The following SLC44A5 variants were observed in gnomAD, a reference collection of about 807,000 sequenced individuals.
SLC44A5 encodes choline transporter-like protein 5.
A neutral mutation model predicts 101.8 loss-of-function variants in SLC44A5; 57 were observed. The observed-to-expected ratio is 0.56, with a 90% confidence interval of 0.45 to 0.70. SLC44A5 has a LOEUF of 0.70. Ranked by LOEUF, SLC44A5 falls within the 30% of genes least tolerant of loss-of-function variation. SLC44A5 has a pLI of 0.00. For synonymous variants in SLC44A5, 281 were observed against 290.9 expected, an observed-to-expected ratio of 0.97 and a Z score of 0.35; for missense variants, 737 against 853.1, an observed-to-expected ratio of 0.86 and a Z score of 1.70.
At chr1:75,694,837 T>C in the SLC44A5 span, among the ~76,000 whole-genome samples, 15 of 152,150 alleles carry the variant, frequency 9.9e-5, no homozygotes, top group Non-Finnish European at 1.8e-4. Context: ...ATTTTTATCA[T>C]TCTAAGTCGT....
At chr1:75,559,061 C>A (rs1397891154) in intron 1 of SLC44A5, among the ~76,000 whole-genome samples, 1 of 151,704 alleles carries the variant, frequency 6.6e-6, no homozygotes, top group African/African-American at 2.4e-5. Context: ...AACCATGAAA[C>A]AATAAGAGTA....
the SLC44A5 span, among the ~76,000 whole-genome samples, chr1:75,661,232 T>A: frequency 4.0e-5 from 6 of 151,770 alleles, no homozygotes; most frequent in Non-Finnish European, 2.9e-5. Flanking sequence ...AAATATACAC[T>A]GGGAAAATGA....
chr1:75,390,228 T>C (rs1354707972), intron 3 of SLC44A5, among the ~76,000 whole-genome samples: 1 of 151,988 alleles, frequency 6.6e-6, no homozygotes, highest in Non-Finnish European at 1.5e-5. Context: ...CTACCAGGTG[T>C]ATAAAGAAGA....
intron 2 of SLC44A5, among the ~76,000 whole-genome samples, chr1:75,500,434 T>A (rs1668896994): frequency 6.6e-6 from 1 of 151,696 alleles, no homozygotes; most frequent in Admixed American, 6.6e-5. Context: ...ATATTTACCA[T>A]CACTTTATCT....
rs568463149 is a variant in SLC44A5 at position 75,385,379 on chromosome 1, G to A, written c.52+11204C>T. Among the ~76,000 whole-genome samples, 660 of 151,482 alleles carry A rather than the reference G, an allele frequency of 4.4e-3. 10 individuals are homozygous for A. The highest frequency in any genetic ancestry group is 0.015 in the African/African-American group (630 of 41,094). On this transcript the variant is annotated intron_variant, in intron 3 of 23. Transcript: ENST00000370859. ...AATAAAAAATGATAAAGGGGATATC[G>A]CCACCAATCCCACAGAAATACAAAC...
chr1:75,633,360 T>A, the SLC44A5 span, among the ~76,000 whole-genome samples: 1 of 152,202 alleles, frequency 6.6e-6, no homozygotes, highest in African/African-American at 2.4e-5. Context: ...GAGCATGGAA[T>A]GTTCTTCCAT....
chr1:75,601,291 C>T (rs1295747161), intron 1 of SLC44A5, among the ~76,000 whole-genome samples: 3 of 150,096 alleles, frequency 2.0e-5, no homozygotes, highest in East Asian at 2.0e-4. Context: ...AAACAAACAC[C>T]GCATGTTCTC....
At chr1:75,291,348 G>A (rs958234276) in intron 5 of SLC44A5, among the ~76,000 whole-genome samples, 1 of 151,994 alleles carries the variant, frequency 6.6e-6, no homozygotes, top group African/African-American at 2.4e-5. Flanking sequence ...TACAAATATT[G>A]TTTAAAGTGC....
chr1:75,683,523 G>A, the SLC44A5 span, among the ~76,000 whole-genome samples: 1 of 151,848 alleles, frequency 6.6e-6, no homozygotes, highest in African/African-American at 2.4e-5. Flanking sequence ...ACCAAACACC[G>A]CATATTCTCA....
At chr1:75,319,676 G>C (rs965417100) in intron 4 of SLC44A5, among the ~76,000 whole-genome samples, 1 of 152,152 alleles carries the variant, frequency 6.6e-6, no homozygotes, top group Non-Finnish European at 1.5e-5. Context: ...GAGGAGAACA[G>C]ACAAAAATAT....
intron 1 of SLC44A5, among the ~76,000 whole-genome samples, chr1:75,598,329 G>A (rs1009292172): frequency 1.8e-4 from 28 of 152,116 alleles, no homozygotes; most frequent in African/African-American, 6.5e-4. Context: ...ATTGGTAGGA[G>A]TGTAAATTAG....
upstream of SLC44A5, among the ~76,000 whole-genome samples, chr1:75,612,276 A>G (rs1366119596): frequency 6.6e-6 from 1 of 152,156 alleles, no homozygotes; most frequent in African/African-American, 2.4e-5. Flanking sequence ...CCCAAATAGC[A>G]AGTGAATATC....
chr1:75,219,727 C>T (rs1647037125), intron 15 of SLC44A5, 73 bp downstream of exon 15: 1 of 958,730 alleles, frequency 1.0e-6, no homozygotes, highest in South Asian at 1.5e-5. Flanking sequence ...ATAGAAAACA[C>T]TGAACACAAA....
the SLC44A5 span, among the ~76,000 whole-genome samples, chr1:75,667,921 G>A: frequency 6.6e-6 from 1 of 152,202 alleles, no homozygotes; most frequent in African/African-American, 2.4e-5. Flanking sequence ...AACACATGAA[G>A]ATGTTTTCAC....
chr1:75,711,206 A>T, the SLC44A5 span, among the ~76,000 whole-genome samples: 1 of 152,204 alleles, frequency 6.6e-6, no homozygotes, highest in Non-Finnish European at 1.5e-5. Context: ...CTTGACCCAA[A>T]CAGCCATAGG....
intron 5 of SLC44A5, among the ~76,000 whole-genome samples, chr1:75,299,829 T>G (rs538922669): frequency 6.8e-6 from 1 of 146,576 alleles, no homozygotes; most frequent in East Asian, 2.2e-4. Flanking sequence ...GCCAACATGG[T>G]GAAACCTTGT....
chr1:75,665,583 C>A, the SLC44A5 span, among the ~76,000 whole-genome samples: 3 of 152,008 alleles, frequency 2.0e-5, no homozygotes, highest in Non-Finnish European at 4.4e-5. Context: ...GCAATTGCAA[C>A]AAAAATAAAA....
At chr1:75,638,572 CA>C in the SLC44A5 span, among the ~76,000 whole-genome samples, 1 of 151,954 alleles carries the variant, frequency 6.6e-6, no homozygotes, top group Non-Finnish European at 1.5e-5. Context: ...ACAGAGACAG[CA>C]ATTGAATATA....
At chr1:75,454,649 T>C (rs1237373339) in intron 2 of SLC44A5, among the ~76,000 whole-genome samples, 1 of 151,592 alleles carries the variant, frequency 6.6e-6, no homozygotes, top group East Asian at 1.9e-4. Context: ...CCCTAAAGAA[T>C]CCCCCAAAAG....
Sources: allele counts gnomAD v4.1 joint callset (sites outside exome capture counted in the v4.1 genomes callset), GRCh38; gene constraint gnomAD v4.1.1; transcripts MANE v1.5; gene names NCBI Gene and HGNC (gene_info 2026-07-23, HGNC 2026-07-21).